LRBA: variants seen among roughly 807,000 people sequenced by gnomAD.
The protein encoded by LRBA is lipopolysaccharide-responsive and beige-like anchor protein.
In LRBA, 176 loss-of-function variants were observed where a neutral mutation model predicts 330.0. The observed-to-expected ratio is 0.53, with a 90% CI of 0.47 to 0.60. LRBA has a LOEUF of 0.60. LRBA is among the 20% of genes least tolerant of loss of function. The probability of loss-of-function intolerance (pLI) is 0.00; values close to 1 mark genes in which losing one functional copy is unlikely to be tolerated. For synonymous variants in LRBA, 1,230 were observed against 1,193.0 expected, an observed-to-expected ratio of 1.03 and a Z score of -0.64; for missense variants, 3,259 against 3,444.8, an observed-to-expected ratio of 0.95 and a Z score of 1.35.
intron 37 of LRBA, among the ~76,000 whole-genome samples, chr4:150,643,480 A>G (rs1386811936): frequency 6.6e-6 from 1 of 151,904 alleles, no homozygotes; most frequent in Non-Finnish European, 1.5e-5. Flanking sequence ...TGAGTAAATA[A>G]CCTGTATGAA....
intron 34 of LRBA, among the ~76,000 whole-genome samples, chr4:150,789,434 A>G (rs1376410276): frequency 6.6e-6 from 1 of 152,186 alleles, no homozygotes; most frequent in Non-Finnish European, 1.5e-5. Flanking sequence ...AATTACTCAA[A>G]TAATCATTCC....
At chr4:150,572,342 G>A (rs1769981941) in intron 40 of LRBA, among the ~76,000 whole-genome samples, 1 of 152,018 alleles carries the variant, frequency 6.6e-6, no homozygotes, top group South Asian at 2.1e-4. Context: ...CATGTAAGAG[G>A]AGATTAGGAA....
intron 37 of LRBA, among the ~76,000 whole-genome samples, chr4:150,669,540 G>A (rs1306340705): frequency 6.6e-6 from 1 of 151,146 alleles, no homozygotes; most frequent in African/African-American, 2.4e-5. Context: ...TTTGTTTTGT[G>A]AAACATCCCT....
At chr4:150,551,762 C>T (rs922490660) in intron 40 of LRBA, among the ~76,000 whole-genome samples, 12 of 152,008 alleles carry the variant, frequency 7.9e-5, no homozygotes, top group Non-Finnish European at 1.3e-4. Context: ...TTTTAAACCA[C>T]TAATGAAAAT....
At chr4:150,992,840 G>A (rs1253822549) in intron 2 of LRBA, among the ~76,000 whole-genome samples, 2 of 152,140 alleles carry the variant, frequency 1.3e-5, no homozygotes, top group Admixed American at 6.6e-5. Flanking sequence ...CTTCCTTGTA[G>A]GCATGCCTTC....
At chr4:150,842,984 C>T (rs1226595425) in intron 28 of LRBA, among the ~76,000 whole-genome samples, 1 of 152,022 alleles carries the variant, frequency 6.6e-6, no homozygotes, top group Non-Finnish European at 1.5e-5. Context: ...TCATAAGGAG[C>T]GCACAACCAA....
intron 2 of LRBA, among the ~76,000 whole-genome samples, chr4:150,948,780 G>A (rs534616802): frequency 1.4e-3 from 212 of 151,948 alleles, no homozygotes; most frequent in African/African-American, 4.8e-3. Flanking sequence ...TAGAAAATGT[G>A]CAGAAGAACG....
At chr4:150,661,026 C>G (rs1781021189) in intron 37 of LRBA, among the ~76,000 whole-genome samples, 1 of 119,732 alleles carries the variant, frequency 8.4e-6, no homozygotes, top group South Asian at 3.2e-4. Flanking sequence ...CATGACCCTG[C>G]CAAATCCCCC....
intron 35 of LRBA, among the ~76,000 whole-genome samples, chr4:150,749,089 C>A (rs901307653): frequency 3.3e-5 from 5 of 152,106 alleles, no homozygotes; most frequent in Non-Finnish European, 7.3e-5. Context: ...AAGGCACTTA[C>A]CTTACATCAT....
Position 150,360,891 on chromosome 4 carries a change from A to C in LRBA, c.7195-10732T>G, listed in dbSNP as rs75299534. ...GCATCTGAAAGACGGCATTATGACT[A>C]TCCTCTAAATAATAAAGGTAAAAGG... On this transcript the variant is annotated intron_variant, in intron 47 of 56. Transcript: ENST00000651943. Among the ~76,000 whole-genome samples the C allele has an allele frequency of 9.7e-3, 1,484 of 152,334 alleles. 20 individuals are homozygous for C. Among genetic ancestry groups the C allele is most frequent in the African/African-American group, 0.034 (1,411 of 41,580 alleles).
chr4:150,391,953 T>C lies in LRBA; in HGVS notation c.7194+23485A>G, dbSNP rs79211065. Among the ~76,000 whole-genome samples the C allele has an allele frequency of 6.9e-3, 979 of 140,934 alleles. 5 individuals carry two copies. Among genetic ancestry groups the C allele is most frequent in the Non-Finnish European group, 0.012 (798 of 65,958 alleles). 92.5% of individuals were successfully genotyped at this position (140,934 alleles called of 152,430 possible). A position where few individuals can be genotyped will look rare whatever the true frequency, so the allele number is the denominator to read the frequency against. On this transcript the variant is annotated intron_variant, in intron 47 of 56. Coordinates refer to ENST00000651943, the MANE Select transcript of LRBA (RefSeq NM_001364905.1). The stretch of plus-strand genomic sequence containing the variant: ...TAAAAATCCTAAAATAAGAATCTGA[T>C]TGATACTCTGTTACTCTTTAAAAAA...
At chr4:150,284,795 G>A (rs1308541431) in intron 54 of LRBA, among the ~76,000 whole-genome samples, 1 of 152,038 alleles carries the variant, frequency 6.6e-6, no homozygotes, top group Non-Finnish European at 1.5e-5. Flanking sequence ...CAAAATGTTG[G>A]GATTACAGGC....
Position 150,570,141 on chromosome 4 carries a change from T to C in LRBA, c.6330+17907A>G, listed in dbSNP as rs146608651. 7.5e-3 allele frequency among the ~76,000 whole-genome samples: 1,144 copies of C among 152,196 alleles called. 18 individuals are homozygous for C. Among genetic ancestry groups the C allele is most frequent in the African/African-American group, 0.026 (1,085 of 41,554 alleles). On this transcript the variant is annotated intron_variant, in intron 40 of 56. Transcript: ENST00000651943. ...ATAGATTTCACTGAACACTAAAGCA[T>C]AATACACTTACTTCAGAAAAGAAAA...
chr4:150,815,501 A>C (rs1229106620), intron 31 of LRBA, among the ~76,000 whole-genome samples: 1 of 151,964 alleles, frequency 6.6e-6, no homozygotes, highest in Non-Finnish European at 1.5e-5. Context: ...AATTCTCTGT[A>C]CTTCAAACTC....
At chr4:150,553,399 T>C (rs1467998888) in intron 40 of LRBA, among the ~76,000 whole-genome samples, 2 of 151,756 alleles carry the variant, frequency 1.3e-5, no homozygotes, top group African/African-American at 2.4e-5. Context: ...CACACCAACA[T>C]GGCACATGTG....
intron 36 of LRBA, among the ~76,000 whole-genome samples, chr4:150,729,963 C>G (rs1022661893): frequency 1.3e-5 from 2 of 152,128 alleles, no homozygotes; most frequent in Admixed American, 1.3e-4. Flanking sequence ...GAACCTTGAT[C>G]CCTACACCTC....
At chr4:150,651,033 T>C (rs1384594587) in intron 37 of LRBA, among the ~76,000 whole-genome samples, 1 of 152,208 alleles carries the variant, frequency 6.6e-6, no homozygotes, top group African/African-American at 2.4e-5. Flanking sequence ...ATCTACAGCC[T>C]ATTAACAAGC....
intron 37 of LRBA, among the ~76,000 whole-genome samples, chr4:150,641,356 TTTC>T (rs777629762): frequency 1.1e-4 from 16 of 152,288 alleles, no homozygotes; most frequent in Non-Finnish European, 1.8e-4. Context: ...ATATTCTAAC[TTTC>T]TTTTCTGAAA....
chr4:150,583,857 G>T lies in LRBA; in HGVS notation c.6330+4191C>A, dbSNP rs745635503. The T allele has an allele frequency of 6.2e-7, 1 of 1,614,142 alleles. No homozygotes were observed. Among genetic ancestry groups the T allele is most frequent in the South Asian group, 1.1e-5 (1 of 91,056 alleles). ...CGCTCAACAACTACCACATGAAGAC[G>T]CTGCTGCTGTACGAGTGCGAGAAAC... On this transcript the variant is annotated intron_variant, in intron 40 of 56. Transcript: ENST00000651943. The surrounding 1 kb of genome is among the most constrained non-coding windows in gnomAD (Gnocchi z 9.8).
Sources: gnomAD v4.1 joint callset for allele counts (sites outside exome capture counted in the v4.1 genomes callset) on GRCh38, gnomAD v4.1.1 for gene constraint, Gnocchi (gnomAD v3.1) non-coding constraint, MANE v1.5 for transcripts, NCBI Gene and HGNC (gene_info 2026-07-23, HGNC 2026-07-21) for gene names.